THSD7B: variants seen among roughly 807,000 people sequenced by gnomAD.
THSD7B encodes thrombospondin type-1 domain-containing protein 7B.
In THSD7B, 138 loss-of-function variants were observed where a neutral mutation model predicts 213.6. The observed-to-expected ratio is 0.65, with a 90% CI of 0.56 to 0.74. The LOEUF is 0.74. Among genes scored for constraint, THSD7B ranks in the 30% least tolerant of loss-of-function variants. The pLI is 0.00. For missense variants in THSD7B, 1,931 were observed against 1,991.5 expected, an observed-to-expected ratio of 0.97 and a Z score of 0.58; for synonymous variants, 742 against 687.0, an observed-to-expected ratio of 1.08 and a Z score of -1.25.
intron 1 of THSD7B, among the ~76,000 whole-genome samples, chr2:136,838,172 C>T (rs1189025482): frequency 4.6e-5 from 7 of 152,120 alleles, no homozygotes. Flanking sequence ...GTGATTAAAT[C>T]ATCGATTAAC....
chr2:137,335,135 A>C (rs1684609071), intron 12 of THSD7B, among the ~76,000 whole-genome samples: 1 of 152,210 alleles, frequency 6.6e-6, no homozygotes. Context: ...CCTACCCCAG[A>C]AACTTTGTAT....
intron 3 of THSD7B, among the ~76,000 whole-genome samples, chr2:137,077,444 A>C (rs982979490): frequency 6.6e-6 from 1 of 152,154 alleles, no homozygotes; most frequent in Non-Finnish European, 1.5e-5. Context: ...TCTCACCAAC[A>C]GTGTAAGAGT....
chr2:137,364,845 C>T (rs1249261597), intron 12 of THSD7B, among the ~76,000 whole-genome samples: 3 of 152,180 alleles, frequency 2.0e-5, no homozygotes, highest in Admixed American at 2.0e-4. Context: ...AATGCCATCC[C>T]CATCAAGCTG....
chr2:137,661,039 C>A (rs1033553794), intron 25 of THSD7B, among the ~76,000 whole-genome samples: 1 of 152,090 alleles, frequency 6.6e-6, no homozygotes, highest in Admixed American at 6.5e-5. Flanking sequence ...GCATGAGTAG[C>A]TATGTGAAGC....
intron 2 of THSD7B, among the ~76,000 whole-genome samples, chr2:137,002,111 G>A (rs1686011104): frequency 6.6e-6 from 1 of 151,898 alleles, no homozygotes; most frequent in Non-Finnish European, 1.5e-5. Context: ...TCTAGCTCTG[G>A]GTTTTGTGCA....
At chr2:137,280,285 G>A (rs545414613) in intron 12 of THSD7B, among the ~76,000 whole-genome samples, 5 of 152,184 alleles carry the variant, frequency 3.3e-5, no homozygotes, top group African/African-American at 1.2e-4. Context: ...GCAGGGCCTC[G>A]TACTTTCACT....
At chr2:136,947,073 G>A (rs536831066) in intron 2 of THSD7B, among the ~76,000 whole-genome samples, 11 of 152,312 alleles carry the variant, frequency 7.2e-5, no homozygotes, top group African/African-American at 2.2e-4. Flanking sequence ...CATCAATCAC[G>A]CTGGGAGCTG....
chr2:137,454,952 C>T (rs2105071666), intron 15 of THSD7B, among the ~76,000 whole-genome samples: 1 of 152,228 alleles, frequency 6.6e-6, no homozygotes, highest in South Asian at 2.1e-4. Context: ...CACATCTTTA[C>T]TATTTGGGCA....
At chr2:137,397,331 C>T (rs1039524839) in intron 12 of THSD7B, among the ~76,000 whole-genome samples, 2 of 152,058 alleles carry the variant, frequency 1.3e-5, no homozygotes, top group African/African-American at 4.8e-5. Flanking sequence ...TTTAGCGCTT[C>T]CTTCAGGAGC....
chr2:137,416,473 T>C (rs990842851), intron 14 of THSD7B, among the ~76,000 whole-genome samples: 21 of 152,234 alleles, frequency 1.4e-4, no homozygotes, highest in African/African-American at 4.6e-4. Flanking sequence ...CATTTAACTT[T>C]ATTTAAAACA....
chr2:137,351,808 A>G (rs1685019503), intron 12 of THSD7B, among the ~76,000 whole-genome samples: 1 of 151,882 alleles, frequency 6.6e-6, no homozygotes, highest in Non-Finnish European at 1.5e-5. Flanking sequence ...TAATATTAAT[A>G]TTAGTAGTTT....
chr2:136,860,418 C>A (rs1683241887), intron 1 of THSD7B, among the ~76,000 whole-genome samples: 1 of 152,150 alleles, frequency 6.6e-6, no homozygotes, highest in Admixed American at 6.5e-5. Flanking sequence ...TGTGCTATTT[C>A]TCCTTGGATG....
At chr2:137,271,253 C>A (rs1401603852) in intron 10 of THSD7B, among the ~76,000 whole-genome samples, 2 of 151,026 alleles carry the variant, frequency 1.3e-5, no homozygotes, top group African/African-American at 4.9e-5. Flanking sequence ...CACCCAGAGC[C>A]GTACTCACAT....
At chr2:137,232,485 GGT>G (rs146815812) in intron 8 of THSD7B, among the ~76,000 whole-genome samples, 5 of 150,988 alleles carry the variant, frequency 3.3e-5, no homozygotes, top group Non-Finnish European at 4.4e-5. Context: ...CTGCATAAGG[GGT>G]GTGTGTGTGT....
chr2:137,024,454 A>G (rs904565115), intron 2 of THSD7B, among the ~76,000 whole-genome samples: 2 of 152,170 alleles, frequency 1.3e-5, no homozygotes, highest in South Asian at 2.1e-4. Context: ...CATAATCCGC[A>G]TTACCAATTA....
chr2:137,236,254 C>T (rs1187796783), intron 9 of THSD7B, among the ~76,000 whole-genome samples: 1 of 152,098 alleles, frequency 6.6e-6, no homozygotes, highest in African/African-American at 2.4e-5. Context: ...CTCCATGGAA[C>T]GTGTGGTTCA....
chr2:137,372,192 C>A (rs1037940385), intron 12 of THSD7B, among the ~76,000 whole-genome samples: 36 of 151,994 alleles, frequency 2.4e-4, no homozygotes, highest in Non-Finnish European at 4.3e-4. Flanking sequence ...AGGGGGAAGA[C>A]CTGATTGTCA....
intron 4 of THSD7B, among the ~76,000 whole-genome samples, chr2:137,103,218 G>A (rs1432216520): frequency 6.6e-6 from 1 of 152,204 alleles, no homozygotes; most frequent in Admixed American, 6.5e-5. Flanking sequence ...CTAGAAGAGA[G>A]TGGGGGCCAA....
intron 12 of THSD7B, among the ~76,000 whole-genome samples, chr2:137,307,516 C>T (rs1452812628): frequency 6.6e-6 from 1 of 152,096 alleles, no homozygotes. Context: ...CTTCTGAAGA[C>T]ACACACATTA....
Sources: gnomAD v4.1 joint callset for allele counts (sites outside exome capture counted in the v4.1 genomes callset) on GRCh38, gnomAD v4.1.1 for gene constraint, MANE v1.5 for transcripts, NCBI Gene and HGNC (gene_info 2026-07-23, HGNC 2026-07-21) for gene names.